Variants in TRPC4 observed in about 807,000 individuals in gnomAD.
TRPC4 encodes the protein transient receptor potential cation channel subfamily C member 4, also known as short transient receptor potential channel 4.
In TRPC4, 49 loss-of-function variants were observed where a neutral mutation model predicts 99.4. The observed-to-expected ratio is 0.49, with a 90% CI of 0.39 to 0.63. The LOEUF is 0.63. Ranked by LOEUF, TRPC4 falls within the 20% of genes least tolerant of loss-of-function variation. The pLI, the probability that TRPC4 is intolerant of heterozygous loss-of-function variation, is 0.00. For synonymous variants in TRPC4, 454 were observed against 425.9 expected, an observed-to-expected ratio of 1.07 and a Z score of -0.81; for missense variants, 898 against 1,152.9, an observed-to-expected ratio of 0.78 and a Z score of 3.20.
At chr13:37,711,910 A>C (rs889157554) in intron 3 of TRPC4, among the ~76,000 whole-genome samples, 1 of 152,072 alleles carries the variant, frequency 6.6e-6, no homozygotes, top group Non-Finnish European at 1.5e-5. Context: ...AAATTATTTC[A>C]TAGTAGGATA....
At chr13:37,851,736 G>A (rs1413464572) in intron 1 of TRPC4, among the ~76,000 whole-genome samples, 2 of 152,172 alleles carry the variant, frequency 1.3e-5, no homozygotes, top group Admixed American at 6.5e-5. Flanking sequence ...GAGGCATTGA[G>A]GAGGGTCTGA....
Position 37,634,573 on chromosome 13 carries a change from A to G in TRPC4, c.*2330T>C, listed in dbSNP as rs765835230. Among the ~76,000 whole-genome samples, 8 of 152,062 alleles carry G rather than the reference A, an allele frequency of 5.3e-5. No homozygotes were observed. Among genetic ancestry groups the G allele is most frequent in the Non-Finnish European group, 1.0e-4 (7 of 67,980 alleles). Reference sequence around the variant, plus strand: ...TGATATAAATAAGCTACTGGGGGAAAAAAGGTTTTGTTGCTTGTACTGTTA... The same window carrying G: ...TGATATAAATAAGCTACTGGGGGAAGAAAGGTTTTGTTGCTTGTACTGTTA... On this transcript the variant is annotated 3_prime_UTR_variant, in exon 11 of 11. Transcript: ENST00000379705.
intron 3 of TRPC4, among the ~76,000 whole-genome samples, chr13:37,717,732 T>C (rs1475591111): frequency 6.6e-6 from 1 of 152,102 alleles, no homozygotes; most frequent in Non-Finnish European, 1.5e-5. Context: ...TTCTAGCCTC[T>C]AGAGTTGTGA....
chr13:37,867,069 G>C (rs1959807162), intron 1 of TRPC4, among the ~76,000 whole-genome samples: 1 of 151,566 alleles, frequency 6.6e-6, no homozygotes, highest in South Asian at 2.1e-4. Flanking sequence ...GGCAATGATG[G>C]TTTTGGAAAA....
intron 4 of TRPC4, among the ~76,000 whole-genome samples, chr13:37,681,088 A>G (rs557231804): frequency 6.6e-6 from 1 of 152,354 alleles, no homozygotes; most frequent in South Asian, 2.1e-4. Context: ...ATAAAGAAGA[A>G]GTTATGAGCT....
At chr13:37,752,261 A>G (rs1955955581) in intron 2 of TRPC4, among the ~76,000 whole-genome samples, 1 of 151,526 alleles carries the variant, frequency 6.6e-6, no homozygotes, top group Non-Finnish European at 1.5e-5. Flanking sequence ...ACATACTTGG[A>G]GCAGAAAACT....
chr13:37,723,270 T>C (rs1954935006), intron 3 of TRPC4, among the ~76,000 whole-genome samples: 1 of 152,124 alleles, frequency 6.6e-6, no homozygotes, highest in African/African-American at 2.4e-5. Context: ...ACAAAAAATC[T>C]ACAATATGTA....
rs183716914 is a variant in TRPC4 at position 37,811,542 on chromosome 13, T to C, written c.-27-28182A>G. Among the ~76,000 whole-genome samples, 468 of 152,222 alleles carry C rather than the reference T, an allele frequency of 3.1e-3. 1 individual carries two copies. The highest frequency in any genetic ancestry group is 0.011 in the African/African-American group (447 of 41,550). On this transcript the variant is annotated intron_variant, in intron 1 of 10. Transcript: ENST00000379705. ...CTGGGGAGAGGCAACACAGCTAGAC[T>C]TCACAGGACAAAGTACCAGAGAGGA...
intron 2 of TRPC4, among the ~76,000 whole-genome samples, chr13:37,757,457 T>C (rs1455594941): frequency 6.6e-6 from 1 of 152,118 alleles, no homozygotes; most frequent in Non-Finnish European, 1.5e-5. Context: ...ATACAATTTT[T>C]AACTGGAAAG....
At chr13:37,804,104 T>C (rs891216135) in intron 1 of TRPC4, among the ~76,000 whole-genome samples, 1 of 152,074 alleles carries the variant, frequency 6.6e-6, no homozygotes, top group African/African-American at 2.4e-5. Context: ...TAAGTAACGC[T>C]TTATATGTTA....
At chr13:37,670,527 G>A (rs772954016) in intron 5 of TRPC4, among the ~76,000 whole-genome samples, 5 of 151,998 alleles carry the variant, frequency 3.3e-5, no homozygotes, top group Admixed American at 6.6e-5. Flanking sequence ...TATTTACTAC[G>A]GAGAATTATT....
chr13:37,818,675 A>G (rs1957931344), intron 1 of TRPC4, among the ~76,000 whole-genome samples: 1 of 152,150 alleles, frequency 6.6e-6, no homozygotes, highest in African/African-American at 2.4e-5. Context: ...GCTGGAAACC[A>G]TCATTCTCAG....
At chr13:37,848,770 G>T (rs1958979434) in intron 1 of TRPC4, among the ~76,000 whole-genome samples, 1 of 152,140 alleles carries the variant, frequency 6.6e-6, no homozygotes, top group Non-Finnish European at 1.5e-5. Context: ...AAGAAAAAGT[G>T]GAATAATGCC....
intron 7 of TRPC4, among the ~76,000 whole-genome samples, chr13:37,651,728 T>C (rs1952050807): frequency 6.6e-6 from 1 of 152,164 alleles, no homozygotes; most frequent in Non-Finnish European, 1.5e-5. Flanking sequence ...AAGACTGCAG[T>C]AATTAGTTAT....
At chr13:37,760,313 T>C (rs1956189244) in intron 2 of TRPC4, among the ~76,000 whole-genome samples, 1 of 151,944 alleles carries the variant, frequency 6.6e-6, no homozygotes, top group Non-Finnish European at 1.5e-5. Context: ...TTTAAATTGG[T>C]GTTTGCCTTT....
intron 5 of TRPC4, 119 bp downstream of exon 5, chr13:37,674,109 G>T: frequency 2.2e-6 from 2 of 929,552 alleles, no homozygotes; most frequent in Non-Finnish European, 3.0e-6. Context: ...ACCATGAGCT[G>T]ATGAATACGA....
chr13:37,701,680 C>T (rs898598639), intron 3 of TRPC4, among the ~76,000 whole-genome samples: 26 of 152,190 alleles, frequency 1.7e-4, no homozygotes, highest in African/African-American at 6.3e-4. Flanking sequence ...AACTACTGTA[C>T]GTGAGCATAT....
rs1383901916 is a variant in TRPC4, at chr13:37,674,333, A to G, written c.1269T>C (p.Asp423=). ...CATGGATGTAGTCCTGAAGTCCGCC[A>G]TCCCACATCTGTTTAATTTCTCCCC... ...FIWGEIKQMW[D]GGLQDYIHDW... The change falls in exon 5 of 11, where the codon GAT becomes GAC. Residue 423 remains aspartate, a synonymous_variant. Transcript: ENST00000379705. The G allele has an allele frequency of 3.1e-6, 5 of 1,605,312 alleles. No homozygotes were observed. In the African/African-American group the frequency reaches 5.4e-5, roughly 17 times the overall value.
In TRPC4 at chr13:37,833,897, G is replaced by A. The variant is rs901307954; in HGVS notation, c.-28+35698C>T. ...ATTGTCTTTGTATTTTAGCTAAGAA[G>A]AGTAGTCTGACAGTACAGTTTTATC... is the stretch of plus-strand genomic sequence containing the variant. On this transcript the variant is annotated intron_variant, in intron 1 of 10. Transcript: ENST00000379705. Among the ~76,000 whole-genome samples, 5 of 152,310 alleles carry A rather than the reference G, an allele frequency of 3.3e-5. No homozygotes were observed. In the East Asian group the frequency reaches 5.8e-4, roughly 18 times the overall value.
Sources: gnomAD v4.1 joint callset for allele counts (sites outside exome capture counted in the v4.1 genomes callset) on GRCh38, gnomAD v4.1.1 for gene constraint, MANE v1.5 for transcripts, NCBI Gene and HGNC (gene_info 2026-07-23, HGNC 2026-07-21) for gene names.